The following VAV3 variants were observed in gnomAD, a reference collection of about 807,000 sequenced individuals.
The protein encoded by VAV3 is guanine nucleotide exchange factor VAV3.
Under a neutral mutation model 131.2 loss-of-function variants are expected in VAV3, and 94 were observed. The observed-to-expected ratio is 0.72, with a 90% CI of 0.61 to 0.85. The LOEUF (loss-of-function observed/expected upper bound fraction) is 0.85. VAV3 is among the 40% of genes least tolerant of loss of function. The pLI, the probability that VAV3 is intolerant of heterozygous loss-of-function variation, is 0.00. For synonymous variants in VAV3, 349 were observed against 342.0 expected (o/e 1.02, Z -0.22); for missense variants, 939 against 1,002.7 (o/e 0.94, Z 0.86).
chr1:107,574,905 T>G (rs766583311), intron 25 of VAV3, among the ~76,000 whole-genome samples: 1 of 152,324 alleles, frequency 6.6e-6, no homozygotes, highest in African/African-American at 2.4e-5. Context: ...TACTGATGTA[T>G]CTAATCAAAA....
At chr1:107,868,136 G>A (rs1304157528) in intron 2 of VAV3, among the ~76,000 whole-genome samples, 9 of 152,108 alleles carry the variant, frequency 5.9e-5, no homozygotes, top group Non-Finnish European at 1.2e-4. Context: ...AAGCTCCTGT[G>A]GGGCTTTGAA....
At chr1:107,673,334 T>C (rs1283357812) in intron 19 of VAV3, among the ~76,000 whole-genome samples, 1 of 152,158 alleles carries the variant, frequency 6.6e-6, no homozygotes, top group Non-Finnish European at 1.5e-5. Context: ...GATCCTGCCT[T>C]GGTTTTCCTT....
chr1:107,704,022 T>G (rs1199422477), intron 17 of VAV3, among the ~76,000 whole-genome samples: 1 of 152,242 alleles, frequency 6.6e-6, no homozygotes, highest in Non-Finnish European at 1.5e-5. Context: ...GGAAAATATT[T>G]ACATAAAACC....
At chr1:107,576,306 G>A (rs949655724) in intron 25 of VAV3, 109 of 1,135,126 alleles carry the variant, frequency 9.6e-5, no homozygotes, top group Non-Finnish European at 1.1e-4. Context: ...AGATGTATCC[G>A]TATGAGAAGC....
At chr1:107,896,382 A>G (rs1002378360) in intron 1 of VAV3, among the ~76,000 whole-genome samples, 5 of 91,740 alleles carry the variant, frequency 5.5e-5, no homozygotes, top group Non-Finnish European at 9.7e-5. Context: ...CTCTTTCATC[A>G]AATTAATCGC....
At chr1:107,754,798 C>T (rs966208679) in intron 12 of VAV3, among the ~76,000 whole-genome samples, 4 of 152,130 alleles carry the variant, frequency 2.6e-5, no homozygotes, top group African/African-American at 7.2e-5. Context: ...TCACCTGCTA[C>T]GGCTTCTGCC....
chr1:107,936,878 C>T (rs928035313), intron 1 of VAV3, among the ~76,000 whole-genome samples: 1 of 152,160 alleles, frequency 6.6e-6, no homozygotes, highest in Non-Finnish European at 1.5e-5. Context: ...CCTTCCCCGA[C>T]CGATCTTGTG....
intron 9 of VAV3, among the ~76,000 whole-genome samples, chr1:107,763,411 G>A (rs1047661087): frequency 6.6e-6 from 1 of 152,202 alleles, no homozygotes; most frequent in Non-Finnish European, 1.5e-5. Context: ...AGAATATAAT[G>A]GAGGTGTGAT....
intron 15 of VAV3, among the ~76,000 whole-genome samples, chr1:107,710,855 CAA>C (rs1473404124): frequency 1.3e-5 from 2 of 151,892 alleles, no homozygotes; most frequent in African/African-American, 4.8e-5. Flanking sequence ...CAACAGGTAT[CAA>C]AAAAGACTTA....
chr1:107,832,858 A>G (rs1280709248), intron 2 of VAV3, among the ~76,000 whole-genome samples: 1 of 152,234 alleles, frequency 6.6e-6, no homozygotes, highest in East Asian at 1.9e-4. Flanking sequence ...TAACATACAC[A>G]CATTGTTAAT....
At chr1:107,752,890 G>A (rs1663825250) in intron 12 of VAV3, among the ~76,000 whole-genome samples, 1 of 152,134 alleles carries the variant, frequency 6.6e-6, no homozygotes, top group Admixed American at 6.6e-5. Context: ...AAATGGTATA[G>A]CAATTCTTCA....
At chr1:107,650,570 T>C (rs1656083903) in intron 19 of VAV3, among the ~76,000 whole-genome samples, 1 of 150,526 alleles carries the variant, frequency 6.6e-6, no homozygotes, top group African/African-American at 2.4e-5. Flanking sequence ...TTTATTATTA[T>C]TATTATACTT....
intron 20 of VAV3, among the ~76,000 whole-genome samples, chr1:107,625,439 G>A (rs946893803): frequency 1.3e-5 from 2 of 151,878 alleles, no homozygotes; most frequent in Non-Finnish European, 2.9e-5. Context: ...GCTAATCTTT[G>A]TATTTTTAGT....
At chr1:107,580,462 T>C (rs1649962200) in intron 25 of VAV3, among the ~76,000 whole-genome samples, 1 of 152,170 alleles carries the variant, frequency 6.6e-6, no homozygotes, top group African/African-American at 2.4e-5. Flanking sequence ...AAATACTGTA[T>C]GTCTCACGGC....
At chr1:107,761,029 T>A (rs1664381629) in intron 9 of VAV3, 150 bp from the exon 10 acceptor site, 1 of 508,540 alleles carries the variant, frequency 2.0e-6, no homozygotes, top group Admixed American at 3.5e-5. Context: ...ATCTTCAATT[T>A]AAAAAAACAA....
At chr1:107,744,838 T>G (rs562516856) in intron 15 of VAV3, among the ~76,000 whole-genome samples, 119 of 152,286 alleles carry the variant, frequency 7.8e-4, no homozygotes, top group African/African-American at 2.6e-3. Flanking sequence ...TTAGCACCCT[T>G]ATGGATAAAG....
intron 2 of VAV3, among the ~76,000 whole-genome samples, chr1:107,810,901 C>A (rs1557861139): frequency 2.0e-5 from 3 of 151,660 alleles, no homozygotes; most frequent in Non-Finnish European, 4.4e-5. Context: ...TAGAGAACCA[C>A]CAAGACAATG....
At chr1:107,725,305 C>A (rs1193076258) in intron 15 of VAV3, among the ~76,000 whole-genome samples, 1 of 152,130 alleles carries the variant, frequency 6.6e-6, no homozygotes, top group Non-Finnish European at 1.5e-5. Flanking sequence ...GGTGTCATCA[C>A]TAGCAGATCC....
rs35609784 is a variant in VAV3 at position 107,851,171 on chromosome 1, C to CAAAAAAAAA, written c.321+23721_321+23729dup. On this transcript the variant is annotated intron_variant, in intron 2 of 26. Coordinates refer to ENST00000370056, the MANE Select transcript of VAV3 (RefSeq NM_006113.5). ...TGGGAGAAAGAGTGAGACTCCGTCT[C>CAAAAAAAAA]AAAAAAAAAAAAAAAAAAAGAAGCC... is the stretch of plus-strand genomic sequence containing the variant. 6.7e-4 allele frequency among the ~76,000 whole-genome samples: 46 copies of CAAAAAAAAA among 68,484 alleles called. 1 individual carries two copies. Among genetic ancestry groups the CAAAAAAAAA allele is most frequent in the African/African-American group, 2.1e-3 (40 of 19,150 alleles). 44.9% of individuals were successfully genotyped at this position (68,484 alleles called of 152,430 possible).
Sources: allele counts gnomAD v4.1 joint callset (sites outside exome capture counted in the v4.1 genomes callset), GRCh38; gene constraint gnomAD v4.1.1; transcripts MANE v1.5; gene names NCBI Gene and HGNC (gene_info 2026-07-23, HGNC 2026-07-21).